Variants in RNF170 observed in about 807,000 individuals in gnomAD.
The protein encoded by RNF170 is E3 ubiquitin-protein ligase RNF170.
Under a neutral mutation model 32.7 loss-of-function variants are expected in RNF170, and 12 were observed. That is an observed-to-expected ratio of 0.37 (90% CI 0.24 to 0.60). RNF170 has a LOEUF of 0.60. Among genes scored for constraint, RNF170 ranks in the 20% least tolerant of loss-of-function variants. The probability of loss-of-function intolerance (pLI) is 0.72; values close to 1 mark genes in which losing one functional copy is unlikely to be tolerated. For missense variants in RNF170, 212 were observed against 311.2 expected (o/e 0.68, Z 2.40); for synonymous variants, 91 against 103.6 (o/e 0.88, Z 0.74).
intron 2 of RNF170, among the ~76,000 whole-genome samples, chr8:42,883,691 C>T (rs1419852480): frequency 1.3e-5 from 2 of 151,572 alleles, no homozygotes; most frequent in Non-Finnish European, 2.9e-5. Context: ...ACCAGCCTGA[C>T]CAGCATAGTG....
At chr8:42,897,299 CG>C, upstream of RNF170, 3 of 520,746 alleles carry the variant, frequency 5.8e-6, no homozygotes, top group Non-Finnish European at 8.2e-6. Flanking sequence ...CCGTCACATC[CG>C]GGGCCTGGGG....
chr8:42,869,513 C>T (rs180964546), intron 4 of RNF170, among the ~76,000 whole-genome samples: 1 of 152,302 alleles, frequency 6.6e-6, no homozygotes, highest in East Asian at 1.9e-4. Context: ...GAGACAGAGA[C>T]AAACAGACTG....
intron 1 of RNF170, among the ~76,000 whole-genome samples, chr8:42,894,377 A>C (rs893820385): frequency 6.6e-6 from 1 of 152,200 alleles, no homozygotes; most frequent in Non-Finnish European, 1.5e-5. Flanking sequence ...GACAAGCTGC[A>C]TGTGAGTCAG....
In RNF170 at chr8:42,856,024, ATGTT is replaced by A. The variant is rs1378459086; in HGVS notation, c.*131_*134del. ...TAGGTATTTGTCAAATGATAATCAA[ATGTT>A]TGTCTTATAGTGGTTTTATATTTGT... is the stretch of plus-strand genomic sequence containing the variant. On this transcript the variant is annotated 3_prime_UTR_variant, in exon 7 of 7. Transcript: ENST00000527424. 2 of 1,553,812 alleles carry A rather than the reference ATGTT, an allele frequency of 1.3e-6. No individual in the cohort carries two copies. The highest frequency in any genetic ancestry group is 1.4e-5 in the African/African-American group (1 of 73,910).
intron 1 of RNF170, among the ~76,000 whole-genome samples, chr8:42,888,114 G>T: frequency 6.6e-6 from 1 of 152,056 alleles, no homozygotes; most frequent in Admixed American, 6.6e-5. Context: ...TGCCAGGCTG[G>T]AGTGCAGTGA....
downstream of RNF170, among the ~76,000 whole-genome samples, chr8:42,851,564 C>CA (rs11345853): frequency 0.01 from 833 of 82,260 alleles, 2 homozygotes; most frequent in East Asian, 0.034. Context: ...GACTCCGTCT[C>CA]AAAAAAAAAA....
In RNF170 at chr8:42,861,823, A is replaced by G; in HGVS notation, c.429T>C (p.Asp143=). 6.2e-7 allele frequency: 1 copy of G among 1,613,914 alleles called. No individual in the cohort carries two copies. Among genetic ancestry groups the G allele is most frequent in the Non-Finnish European group, 8.5e-7 (1 of 1,179,930 alleles). ...ATCTCAGAACATCCTGAGACTGATC[A>G]TCTTCACCAAATACTGTTAGGAGTA... ...VTLLLTVFGE[D]DQSQDVLRLH... The change falls in exon 6 of 7, where the codon GAT becomes GAC. Residue 143 remains aspartate (D), a synonymous_variant. Transcript: ENST00000527424.
intron 6 of RNF170, among the ~76,000 whole-genome samples, chr8:42,861,101 G>A (rs1803623346): frequency 6.6e-6 from 1 of 152,222 alleles, no homozygotes; most frequent in Admixed American, 6.5e-5. Context: ...AAAGTTTTCA[G>A]TTGTAACTTT....
intron 4 of RNF170, among the ~76,000 whole-genome samples, chr8:42,866,499 G>A (rs1453178967): frequency 3.3e-5 from 5 of 151,684 alleles, no homozygotes; most frequent in Non-Finnish European, 7.4e-5. Flanking sequence ...AAGGAGAATC[G>A]CTTCAATCTG....
downstream of RNF170, among the ~76,000 whole-genome samples, chr8:42,851,962 G>A (rs955867815): frequency 6.6e-6 from 1 of 152,202 alleles, no homozygotes; most frequent in Non-Finnish European, 1.5e-5. Flanking sequence ...ATGGATGGTG[G>A]TTCCTTTTAC....
At chr8:42,884,681 C>T (rs1397629536) in intron 2 of RNF170, among the ~76,000 whole-genome samples, 1 of 151,572 alleles carries the variant, frequency 6.6e-6, no homozygotes, top group Non-Finnish European at 1.5e-5. Context: ...CTACAATATA[C>T]AATTGCCTTA....
In RNF170 at chr8:42,853,581, C is replaced by G; in HGVS notation, c.*2578G>C. On this transcript the variant is annotated 3_prime_UTR_variant, in exon 7 of 7. Coordinates refer to ENST00000527424, the MANE Select transcript of RNF170 (RefSeq NM_030954.4). Reference sequence around the variant, plus strand: ...TTATTATCTGCTCCTGGGGTTGGACCATCTGTTTTATGACAGTTATGATAT... The same window carrying G: ...TTATTATCTGCTCCTGGGGTTGGACGATCTGTTTTATGACAGTTATGATAT... 7.8e-7 allele frequency: 1 copy of G among 1,286,610 alleles called. No individual in the cohort carries two copies. Among genetic ancestry groups the G allele is most frequent in the South Asian group, 1.2e-5 (1 of 80,864 alleles). The allele number at this position is 1,286,610 out of a possible 1,614,324, so 79.7% of individuals were successfully genotyped here.
At chr8:42,862,968 T>C (rs1803769999) in intron 5 of RNF170, among the ~76,000 whole-genome samples, 1 of 152,190 alleles carries the variant, frequency 6.6e-6, no homozygotes, top group Non-Finnish European at 1.5e-5. Flanking sequence ...GGATCTCTTC[T>C]GCCTGGGGTG....
chr8:42,892,059 C>T (rs144518059), intron 1 of RNF170, among the ~76,000 whole-genome samples: 1,964 of 152,314 alleles, frequency 0.013, 44 homozygotes, highest in African/African-American at 0.044. Context: ...CCTGACGGTG[C>T]CTACTCCGGA....
At chr8:42,896,806 G>C (rs1390385519), upstream of RNF170, 1 of 152,248 alleles carries the variant, frequency 6.6e-6, no homozygotes, top group African/African-American at 2.4e-5. Flanking sequence ...CGGGGCGCGA[G>C]CGTGCGCAGT....
chr8:42,871,085 C>G (rs1804486958), intron 3 of RNF170, among the ~76,000 whole-genome samples: 1 of 152,008 alleles, frequency 6.6e-6, no homozygotes, highest in Non-Finnish European at 1.5e-5. Flanking sequence ...TGGCGCACAC[C>G]TGTAGTCCCA....
chr8:42,877,622 T>C (rs1450436422), intron 2 of RNF170, among the ~76,000 whole-genome samples: 1 of 152,126 alleles, frequency 6.6e-6, no homozygotes, highest in Non-Finnish European at 1.5e-5. Flanking sequence ...ATTAAAAATA[T>C]AAAAACTCAA....
At chr8:42,895,488 G>A (rs1806716923) in intron 1 of RNF170, among the ~76,000 whole-genome samples, 1 of 152,130 alleles carries the variant, frequency 6.6e-6, no homozygotes, top group African/African-American at 2.4e-5. Flanking sequence ...GGCATTGGGT[G>A]GTAGTTATGC....
At chr8:42,858,013 C>T (rs531783978) in intron 6 of RNF170, among the ~76,000 whole-genome samples, 11 of 152,126 alleles carry the variant, frequency 7.2e-5, no homozygotes, top group East Asian at 3.9e-4. Flanking sequence ...CTGGCCTGGG[C>T]GACAGAGCGA....
Sources: gnomAD v4.1 joint callset for allele counts (sites outside exome capture counted in the v4.1 genomes callset) on GRCh38, gnomAD v4.1.1 for gene constraint, MANE v1.5 for transcripts, NCBI Gene and HGNC (gene_info 2026-07-23, HGNC 2026-07-21) for gene names.